ANKRD26: variants seen among roughly 807,000 people sequenced by gnomAD.
ANKRD26 encodes the protein ankyrin repeat domain-containing protein 26.
In ANKRD26, 141 loss-of-function variants were observed where a neutral mutation model predicts 208.7. The observed-to-expected ratio is 0.68, with a 90% CI of 0.59 to 0.78. The LOEUF is 0.78. ANKRD26 is among the 30% of genes least tolerant of loss of function. ANKRD26 has a pLI of 0.00. For missense variants in ANKRD26, 1,889 were observed against 1,938.7 expected (o/e 0.97, Z 0.48); for synonymous variants, 636 against 660.4 (o/e 0.96, Z 0.57).
the ANKRD26 span, among the ~76,000 whole-genome samples, chr10:26,951,008 C>CT: frequency 1.6e-5 from 1 of 62,690 alleles, no homozygotes; most frequent in Non-Finnish European, 2.9e-5. Flanking sequence ...TTTTTCTTTT[C>CT]TTTTCTTTTT....
At chr10:27,016,358 C>T (rs1485900612) in intron 30 of ANKRD26, among the ~76,000 whole-genome samples, 4 of 152,118 alleles carry the variant, frequency 2.6e-5, no homozygotes, top group Admixed American at 1.3e-4. Context: ...CTGCAACCTC[C>T]GCCTCCCAGA....
chr10:26,983,854 C>T (rs1158755770), intron 3 of ANKRD26, among the ~76,000 whole-genome samples: 3 of 152,094 alleles, frequency 2.0e-5, no homozygotes, highest in African/African-American at 7.2e-5. Context: ...ACTAAGGACA[C>T]CAGACCATTT....
Position 27,053,207 on chromosome 10 carries a change from T to C in ANKRD26, c.1635+113A>G. On this transcript the variant is annotated intron_variant, in intron 16 of 33. Transcript: ENST00000376087. ...GTTTTTAATACTAAATATTAAATGA[T>C]GATCTATTGATTCTAAAAGGCTAGT... 5 of 740,166 alleles carry C rather than the reference T, an allele frequency of 6.8e-6. 1 individual carries two copies. The South Asian group carries it at 9.3e-5, about 14-fold the overall frequency. The allele number at this position is 740,166 out of a possible 1,614,324, so 45.8% of individuals were successfully genotyped here.
At chr10:27,059,971 G>A (rs531229748) in intron 15 of ANKRD26, among the ~76,000 whole-genome samples, 4 of 152,100 alleles carry the variant, frequency 2.6e-5, no homozygotes, top group South Asian at 2.1e-4. Context: ...AGGCCGAGGC[G>A]GGTGGATCAC....
At position 27,100,350 on chromosome 10, in the gene ANKRD26, G is replaced by C; in HGVS notation, c.-24C>G. Reference sequence around the variant, plus strand: ...ATGGCCCAGGCGACCGGGCTTCAGAGACACCTCATGTCTCTCTCGGCTCTT... The same window carrying C: ...ATGGCCCAGGCGACCGGGCTTCAGACACACCTCATGTCTCTCTCGGCTCTT... On this transcript the variant is annotated 5_prime_UTR_variant, in exon 1 of 34. Coordinates refer to ENST00000376087, the MANE Select transcript of ANKRD26 (RefSeq NM_014915.3). 3 of 1,604,120 alleles carry C rather than the reference G, an allele frequency of 1.9e-6. No homozygotes were observed. The highest frequency in any genetic ancestry group is 2.5e-6 in the Non-Finnish European group (3 of 1,179,768).
At chr10:27,012,408 A>C (rs187832297) in intron 32 of ANKRD26, among the ~76,000 whole-genome samples, 2,817 of 151,108 alleles carry the variant, frequency 0.019, 153 homozygotes, top group East Asian at 0.16. Flanking sequence ...AAAAAAAAAA[A>C]CTAAAATTTC....
chr10:27,043,620 T>A (rs1197903089), intron 19 of ANKRD26, 53 bp from the exon 20 acceptor site: 2 of 1,537,460 alleles, frequency 1.3e-6, no homozygotes, highest in African/African-American at 2.7e-5. Context: ...TTATAGCACA[T>A]ACAGAAGTGG....
In ANKRD26 at chr10:27,024,442, C is replaced by A; in HGVS notation, c.4085+5G>T. 1.4e-6 allele frequency: 2 copies of A among 1,403,488 alleles called. No homozygotes were observed. Among genetic ancestry groups the A allele is most frequent in the Non-Finnish European group, 2.0e-6 (2 of 995,858 alleles). 86.9% of individuals were successfully genotyped at this position (1,403,488 alleles called of 1,614,324 possible). On this transcript the variant is annotated splice_donor_5th_base_variant and intron_variant, in intron 28 of 33. Transcript: ENST00000376087. ...TTAAAATGATCTGAAATATTAAAAT[C>A]TTACCCAGTTATCTCTCTTTCTAAT...
At position 27,005,317 on chromosome 10, in the gene ANKRD26, C is replaced by T. The variant is rs2052832895; in HGVS notation, c.*273G>A. The T allele has an allele frequency of 3.5e-6, 4 of 1,127,290 alleles. No individual in the cohort carries two copies. Among genetic ancestry groups the T allele is most frequent in the Non-Finnish European group, 4.4e-6 (4 of 917,202 alleles). 69.8% of individuals were successfully genotyped at this position (1,127,290 alleles called of 1,614,324 possible). ...ACAAATAAGCCATCAATTAACTGCACTAAAGTATTAATGACAACTTAGTGG... is the reference window on the plus strand; with the variant it reads ...ACAAATAAGCCATCAATTAACTGCATTAAAGTATTAATGACAACTTAGTGG... On this transcript the variant is annotated 3_prime_UTR_variant, in exon 34 of 34. Transcript: ENST00000376087.
chr10:27,099,997 C>G (rs1374630472), intron 1 of ANKRD26, 88 bp downstream of exon 1: 3 of 1,597,814 alleles, frequency 1.9e-6, no homozygotes, highest in Non-Finnish European at 2.6e-6. Context: ...GAGGCTGATC[C>G]AGGCCCTGGG....
At chr10:27,046,548 C>G (rs2054453105) in intron 17 of ANKRD26, 25 bp from the exon 18 acceptor site, 1 of 1,607,454 alleles carries the variant, frequency 6.2e-7, no homozygotes, top group East Asian at 2.2e-5. Flanking sequence ...TGGGAAATGA[C>G]AGTTACATAA....
In ANKRD26 at chr10:27,077,640, C is replaced by A; in HGVS notation, c.867G>T (p.Arg289Ser). 2.5e-6 allele frequency: 4 copies of A among 1,613,396 alleles called. No homozygotes were observed. Among genetic ancestry groups the A allele is most frequent in the African/African-American group, 1.3e-5 (1 of 75,004 alleles). Reference sequence around the variant, plus strand: ...AGTTTTCAAACAGCTTACAATTTTTCCTGGATTGCTGAGAAGCAGTCATTA... The same window carrying A: ...AGTTTTCAAACAGCTTACAATTTTTACTGGATTGCTGAGAAGCAGTCATTA... ...AKLMTASQQS[R>S]KNLEATYGTV... The change falls in exon 8 of 34, where the codon AGG (arginine) becomes AGT (serine). Residue 289 changes from arginine to serine, a missense_variant. This residue lies in a region of ANKRD26 where 1,272 missense variants were observed against 1,273.8 expected (regional missense o/e 1.00). Transcript: ENST00000376087.
At chr10:27,056,188 C>G (rs2054833340) in intron 15 of ANKRD26, among the ~76,000 whole-genome samples, 1 of 151,968 alleles carries the variant, frequency 6.6e-6, no homozygotes, top group Non-Finnish European at 1.5e-5. Context: ...TTTCTTCTTT[C>G]TTTTTTTGAG....
intron 9 of ANKRD26, among the ~76,000 whole-genome samples, chr10:27,074,013 T>TA (rs958139635): frequency 3.3e-5 from 5 of 150,524 alleles, no homozygotes; most frequent in Non-Finnish European, 5.9e-5. Context: ...GAAAAATAAA[T>TA]AAAAAAAAAC....
chr10:27,015,061 C>T (rs1482922407), intron 30 of ANKRD26, among the ~76,000 whole-genome samples: 1 of 151,916 alleles, frequency 6.6e-6, no homozygotes, highest in Non-Finnish European at 1.5e-5. Context: ...TAAGGAAAAC[C>T]TAAGAAAGAA....
downstream of ANKRD26, among the ~76,000 whole-genome samples, chr10:26,972,989 C>CT (rs2134593401): frequency 6.6e-6 from 1 of 152,292 alleles, no homozygotes; most frequent in South Asian, 2.1e-4. Context: ...TTAACTACCA[C>CT]TTGCCATACC....
At chr10:27,060,467 C>A in intron 14 of ANKRD26, 45 bp downstream of exon 14, 1 of 1,554,872 alleles carries the variant, frequency 6.4e-7, no homozygotes, top group South Asian at 1.1e-5. Flanking sequence ...ATACTTTATA[C>A]AATATGCACT....
intron 5 of ANKRD26, among the ~76,000 whole-genome samples, chr10:26,992,505 C>T (rs532907782): frequency 7.3e-6 from 1 of 136,114 alleles, no homozygotes; most frequent in Non-Finnish European, 1.5e-5. Flanking sequence ...CACACACACA[C>T]ACAGAGAGAA....
chr10:27,039,028 A>G (rs1178019831), intron 21 of ANKRD26, among the ~76,000 whole-genome samples: 2 of 152,232 alleles, frequency 1.3e-5, no homozygotes, highest in Admixed American at 6.5e-5. Flanking sequence ...ATATTTAAGT[A>G]AACCGTAAAG....
Sources: gnomAD v4.1 joint callset for allele counts (sites outside exome capture counted in the v4.1 genomes callset) on GRCh38, gnomAD v4.1.1 for gene constraint, gnomAD v4.1.1 regional missense constraint, MANE v1.5 for transcripts, NCBI Gene and HGNC (gene_info 2026-07-23, HGNC 2026-07-21) for gene names.